Variants in STK32B observed in about 807,000 individuals in gnomAD.
STK32B encodes the protein serine/threonine-protein kinase 32B.
In STK32B, 43 loss-of-function variants were observed where a neutral mutation model predicts 52.6. That is an observed-to-expected ratio of 0.82 (90% CI 0.64 to 1.05). The LOEUF (loss-of-function observed/expected upper bound fraction) is 1.05, where lower values mean the gene tolerates loss of function less well. Ranked by LOEUF, STK32B falls within the 50% of genes least tolerant of loss-of-function variation. The probability of loss-of-function intolerance (pLI) is 0.00; values close to 1 mark genes in which losing one functional copy is unlikely to be tolerated. For missense variants in STK32B, 621 were observed against 534.6 expected (o/e 1.16, Z -1.59); for synonymous variants, 238 against 204.3 (o/e 1.17, Z -1.41).
intron 6 of STK32B, among the ~76,000 whole-genome samples, chr4:5,431,278 T>C (rs896491661): frequency 6.6e-6 from 1 of 152,228 alleles, no homozygotes; most frequent in Non-Finnish European, 1.5e-5. Context: ...TTATAGCTTT[T>C]GGTTTTTTAT....
At chr4:5,019,459 G>A in the STK32B span, 49 of 1,448,788 alleles carry the variant, frequency 3.4e-5, no homozygotes, top group Middle Eastern at 7.2e-4. Context: ...GCCAGGCGCT[G>A]GTGCAGCCTC....
the STK32B span, among the ~76,000 whole-genome samples, chr4:5,027,990 G>A: frequency 5.9e-5 from 9 of 152,310 alleles, no homozygotes; most frequent in South Asian, 8.3e-4. Context: ...GCTGCCCTGC[G>A]GTCATTTCTG....
chr4:5,122,636 C>A (rs948518731), intron 1 of STK32B, among the ~76,000 whole-genome samples: 1 of 152,154 alleles, frequency 6.6e-6, no homozygotes, highest in Non-Finnish European at 1.5e-5. Context: ...CATTCACTCA[C>A]TCACTCATTT....
intron 6 of STK32B, among the ~76,000 whole-genome samples, chr4:5,427,405 G>A (rs576037929): frequency 3.3e-5 from 5 of 152,244 alleles, no homozygotes; most frequent in African/African-American, 7.2e-5. Flanking sequence ...TGCTGGCAAC[G>A]TAGTTGAGAA....
intron 1 of STK32B, among the ~76,000 whole-genome samples, chr4:5,112,842 T>C (rs1194242844): frequency 1.3e-5 from 2 of 152,164 alleles, no homozygotes; most frequent in Non-Finnish European, 2.9e-5. Flanking sequence ...CTTGGCTTGC[T>C]GTGGGGGTTG....
chr4:5,493,662 G>A (rs367695270), intron 11 of STK32B, among the ~76,000 whole-genome samples: 1 of 141,746 alleles, frequency 7.1e-6, no homozygotes, highest in African/African-American at 2.6e-5. Flanking sequence ...TTCTTTTAAT[G>A]GTGATGTCAG....
chr4:5,168,790 G>A (rs1719096742), intron 3 of STK32B, among the ~76,000 whole-genome samples: 1 of 152,174 alleles, frequency 6.6e-6, no homozygotes, highest in Admixed American at 6.5e-5. Flanking sequence ...GAAAGTCACA[G>A]CCATACAGCT....
chr4:5,229,479 G>A (rs1252165422), intron 3 of STK32B, among the ~76,000 whole-genome samples: 1 of 152,038 alleles, frequency 6.6e-6, no homozygotes, highest in Admixed American at 6.6e-5. Context: ...TTTCTGACCT[G>A]GTTTCTTTGG....
intron 2 of STK32B, among the ~76,000 whole-genome samples, chr4:5,145,822 C>T (rs901005653): frequency 6.6e-6 from 1 of 152,098 alleles, no homozygotes; most frequent in Admixed American, 6.5e-5. Flanking sequence ...TGTTTTGATA[C>T]ATGAAAGTTT....
intron 1 of STK32B, among the ~76,000 whole-genome samples, chr4:5,138,202 C>T (rs913110587): frequency 7.2e-5 from 11 of 152,210 alleles, no homozygotes; most frequent in African/African-American, 2.7e-4. Context: ...ACCATTAACT[C>T]CGTCTCTCTA....
At chr4:5,337,781 G>A (rs531050610) in intron 4 of STK32B, among the ~76,000 whole-genome samples, 4 of 152,232 alleles carry the variant, frequency 2.6e-5, no homozygotes, top group South Asian at 2.1e-4. Context: ...GACAACATCT[G>A]TGTAGAGTAC....
intron 1 of STK32B, among the ~76,000 whole-genome samples, chr4:5,084,687 T>C (rs145626487): frequency 6.6e-6 from 1 of 152,318 alleles, no homozygotes; most frequent in Non-Finnish European, 1.5e-5. Context: ...CTTTCTTTGT[T>C]GGAAAAAGTA....
At chr4:5,357,576 AT>A (rs1237384673) in intron 4 of STK32B, among the ~76,000 whole-genome samples, 1 of 150,856 alleles carries the variant, frequency 6.6e-6, no homozygotes, top group African/African-American at 2.5e-5. Context: ...AAAAAAAAAA[AT>A]GTTCTCTGGG....
At chr4:5,157,580 A>G (rs1056052115) in intron 2 of STK32B, among the ~76,000 whole-genome samples, 8 of 152,208 alleles carry the variant, frequency 5.3e-5, no homozygotes, top group African/African-American at 1.9e-4. Context: ...AGGTCATCAC[A>G]GACCAAAAGA....
At chr4:5,043,131 A>AAAAAG in the STK32B span, among the ~76,000 whole-genome samples, 1 of 151,398 alleles carries the variant, frequency 6.6e-6, no homozygotes, top group Non-Finnish European at 1.5e-5. Flanking sequence ...AAAAAAAAAA[A>AAAAAG]AAAAACCTGT....
At chr4:5,144,788 C>CATTCATT (rs869178092) in intron 2 of STK32B, among the ~76,000 whole-genome samples, 4,083 of 29,328 alleles carry the variant, frequency 0.14, 132 homozygotes, top group African/African-American at 0.19. Flanking sequence ...ATTCACTCAT[C>CATTCATT]CATCCATCCA....
At chr4:5,489,247 A>G (rs946208484) in intron 11 of STK32B, among the ~76,000 whole-genome samples, 1 of 152,190 alleles carries the variant, frequency 6.6e-6, no homozygotes, top group Non-Finnish European at 1.5e-5. Context: ...TAAATTACCT[A>G]TGAGAATTGA....
chr4:5,383,504 G>A (rs762559270), intron 4 of STK32B, among the ~76,000 whole-genome samples: 8 of 152,208 alleles, frequency 5.3e-5, no homozygotes, highest in African/African-American at 1.7e-4. Flanking sequence ...GCATCCCATT[G>A]TGAGCCAGCT....
At chr4:5,355,007 C>T (rs752505874) in intron 4 of STK32B, among the ~76,000 whole-genome samples, 10 of 152,090 alleles carry the variant, frequency 6.6e-5, no homozygotes, top group Non-Finnish European at 1.2e-4. Flanking sequence ...GGGAGGGAAA[C>T]ATTCTCCCTA....
Sources: gnomAD v4.1 joint callset for allele counts (sites outside exome capture counted in the v4.1 genomes callset) on GRCh38, gnomAD v4.1.1 for gene constraint, MANE v1.5 for transcripts, NCBI Gene and HGNC (gene_info 2026-07-23, HGNC 2026-07-21) for gene names.